CDYL2: variants seen among roughly 807,000 people sequenced by gnomAD.
The protein encoded by CDYL2 is chromodomain Y-like protein 2.
CDYL2 carries 23 observed loss-of-function variants against 49.4 expected under a neutral mutation model. The observed-to-expected ratio is 0.47, with a 90% CI of 0.34 to 0.66. CDYL2 has a LOEUF of 0.66. Among genes scored for constraint, CDYL2 ranks in the 30% least tolerant of loss-of-function variants. The pLI, the probability that CDYL2 is intolerant of heterozygous loss-of-function variation, is 0.01. For missense variants in CDYL2, 678 were observed against 656.4 expected, an observed-to-expected ratio of 1.03 and a Z score of -0.36; for synonymous variants, 360 against 268.8, an observed-to-expected ratio of 1.34 and a Z score of -3.32.
intron 1 of CDYL2, among the ~76,000 whole-genome samples, chr16:80,746,221 G>A (rs1176585216): frequency 6.6e-6 from 1 of 152,136 alleles, no homozygotes; most frequent in African/African-American, 2.4e-5. Context: ...AATGATGGGG[G>A]ACTAAAATCC....
At chr16:80,790,905 G>A (rs1907588831) in intron 1 of CDYL2, among the ~76,000 whole-genome samples, 2 of 152,186 alleles carry the variant, frequency 1.3e-5, no homozygotes, top group Non-Finnish European at 2.9e-5. Flanking sequence ...AACAGTCCGG[G>A]AAGATACAGT....
intron 2 of CDYL2, among the ~76,000 whole-genome samples, chr16:80,637,219 C>T (rs1328290735): frequency 9.1e-5 from 5 of 55,064 alleles, no homozygotes; most frequent in Non-Finnish European, 1.9e-4. Flanking sequence ...CTAAAAAGCA[C>T]AAACTTAAAA....
intron 2 of CDYL2, among the ~76,000 whole-genome samples, chr16:80,658,828 G>A (rs1908917779): frequency 6.6e-6 from 1 of 152,072 alleles, no homozygotes; most frequent in African/African-American, 2.4e-5. Flanking sequence ...TCCAGGGCTT[G>A]GGCAGGTAAG....
chr16:80,803,376 C>T (rs1907985294), intron 1 of CDYL2, among the ~76,000 whole-genome samples: 1 of 152,182 alleles, frequency 6.6e-6, no homozygotes, highest in Non-Finnish European at 1.5e-5. Flanking sequence ...CATCTGTGTC[C>T]TATGTCCCCA....
At chr16:80,689,418 T>C (rs116548862) in intron 1 of CDYL2, among the ~76,000 whole-genome samples, 1,884 of 152,310 alleles carry the variant, frequency 0.012, 36 homozygotes, top group African/African-American at 0.042. Flanking sequence ...TATGCCCAGC[T>C]TTCCAGCTGG....
chr16:80,640,326 G>A (rs894625955), intron 2 of CDYL2, among the ~76,000 whole-genome samples: 16 of 152,102 alleles, frequency 1.1e-4, no homozygotes, highest in Non-Finnish European at 1.5e-4. Context: ...GGCCCAGTCT[G>A]GGCCAGAAGG....
intron 2 of CDYL2, among the ~76,000 whole-genome samples, chr16:80,637,766 A>C (rs1907905222): frequency 6.6e-6 from 1 of 152,242 alleles, no homozygotes; most frequent in African/African-American, 2.4e-5. Context: ...GAATGTTCCC[A>C]AAACAAACAC....
At chr16:80,695,918 G>A (rs566117196) in intron 1 of CDYL2, among the ~76,000 whole-genome samples, 1 of 152,318 alleles carries the variant, frequency 6.6e-6, no homozygotes, top group African/African-American at 2.4e-5. Flanking sequence ...GACATTTATA[G>A]AAGGTTTCAA....
chr16:80,743,980 G>C (rs1014985314), intron 1 of CDYL2, among the ~76,000 whole-genome samples: 2 of 152,036 alleles, frequency 1.3e-5, no homozygotes, highest in African/African-American at 4.8e-5. Flanking sequence ...AAAGGGAAAA[G>C]GGAACCTCCC....
chr16:80,665,589 A>G (rs1250491398), intron 2 of CDYL2, among the ~76,000 whole-genome samples: 1 of 151,746 alleles, frequency 6.6e-6, no homozygotes, highest in Non-Finnish European at 1.5e-5. Context: ...GGTGGAAGCC[A>G]GGCCAGAGAT....
chr16:80,745,064 C>A (rs978873680), intron 1 of CDYL2, among the ~76,000 whole-genome samples: 1 of 152,160 alleles, frequency 6.6e-6, no homozygotes, highest in Non-Finnish European at 1.5e-5. Context: ...GGCCCTCCAT[C>A]GAGGAAGTGC....
intron 1 of CDYL2, among the ~76,000 whole-genome samples, chr16:80,714,183 A>C (rs1023472586): frequency 6.6e-6 from 1 of 152,038 alleles, no homozygotes; most frequent in African/African-American, 2.4e-5. Context: ...CACGACCCAG[A>C]CCCCTTAGCT....
At position 80,783,681 on chromosome 16, in the gene CDYL2, G is replaced by T. The variant is rs58670956; in HGVS notation, c.24+20469C>A. Among the ~76,000 whole-genome samples, 233 of 152,296 alleles carry T rather than the reference G, an allele frequency of 1.5e-3. 1 individual carries two copies. Among genetic ancestry groups the T allele is most frequent in the African/African-American group, 5.4e-3 (223 of 41,578 alleles). ...ATAAAAAGGAGTATATTAGAACTCT[G>T]ATTTAATGAGTCAGATTACATGCTA... On this transcript the variant is annotated intron_variant, in intron 1 of 6. Coordinates refer to ENST00000570137, the MANE Select transcript of CDYL2 (RefSeq NM_152342.4).
intron 1 of CDYL2, among the ~76,000 whole-genome samples, chr16:80,739,859 C>T (rs1905674635): frequency 6.6e-6 from 1 of 152,228 alleles, no homozygotes; most frequent in Admixed American, 6.5e-5. Context: ...AGGCCAATTA[C>T]AGCCCAATTA....
chr16:80,639,657 G>T (rs1265676704), intron 2 of CDYL2: 2 of 455,190 alleles, frequency 4.4e-6, no homozygotes. Context: ...CAAAAAATCA[G>T]GTGAGCACTC....
chr16:80,630,710 C>T (rs996651390), intron 3 of CDYL2, among the ~76,000 whole-genome samples: 22 of 152,278 alleles, frequency 1.4e-4, no homozygotes, highest in African/African-American at 5.3e-4. Context: ...CACTACCCCA[C>T]AACCCCAAAG....
chr16:80,761,749 T>C (rs1349383384), intron 1 of CDYL2, among the ~76,000 whole-genome samples: 1 of 152,066 alleles, frequency 6.6e-6, no homozygotes, highest in African/African-American at 2.4e-5. Flanking sequence ...TTAAAATACA[T>C]ACAACTATTA....
At chr16:80,760,403 T>C (rs927675598) in intron 1 of CDYL2, among the ~76,000 whole-genome samples, 4 of 152,270 alleles carry the variant, frequency 2.6e-5, no homozygotes, top group African/African-American at 9.6e-5. Flanking sequence ...AATGAATGAA[T>C]AAGACCTACT....
At chr16:80,778,536 T>C (rs1435015366) in intron 1 of CDYL2, among the ~76,000 whole-genome samples, 2 of 152,040 alleles carry the variant, frequency 1.3e-5, no homozygotes, top group African/African-American at 2.4e-5. Flanking sequence ...ACTTAGGATC[T>C]GTATCAAGAA....
Sources: gnomAD v4.1 joint callset for allele counts (sites outside exome capture counted in the v4.1 genomes callset) on GRCh38, gnomAD v4.1.1 for gene constraint, MANE v1.5 for transcripts, NCBI Gene and HGNC (gene_info 2026-07-23, HGNC 2026-07-21) for gene names.